The following UST variants were observed in gnomAD, a reference collection of about 807,000 sequenced individuals.
UST encodes the protein uronyl 2-sulfotransferase.
In UST, 21 loss-of-function variants were observed where a neutral mutation model predicts 45.6. That is an observed-to-expected ratio of 0.46 (90% CI 0.33 to 0.66). The LOEUF is 0.66. UST is among the 30% of genes least tolerant of loss of function. The probability of loss-of-function intolerance (pLI) is 0.02; values close to 1 mark genes in which losing one functional copy is unlikely to be tolerated. For missense variants in UST, 463 were observed against 512.4 expected, an observed-to-expected ratio of 0.90 and a Z score of 0.93; for synonymous variants, 215 against 200.6, an observed-to-expected ratio of 1.07 and a Z score of -0.61.
chr6:149,029,254 A>G (rs1776098476), intron 7 of UST, among the ~76,000 whole-genome samples: 1 of 151,160 alleles, frequency 6.6e-6, no homozygotes, highest in African/African-American at 2.4e-5. Flanking sequence ...TTTTGCAATC[A>G]AATAAGTTTA....
intron 1 of UST, among the ~76,000 whole-genome samples, chr6:148,882,429 T>G (rs781419577): frequency 7.3e-6 from 1 of 136,080 alleles, no homozygotes; most frequent in East Asian, 2.1e-4. Flanking sequence ...GAGGCTGCAG[T>G]GAGCCGAGAT....
At chr6:148,976,126 G>A (rs142779102) in intron 5 of UST, among the ~76,000 whole-genome samples, 172 of 152,178 alleles carry the variant, frequency 1.1e-3, no homozygotes, top group African/African-American at 3.9e-3. Context: ...GTAAAATTCC[G>A]GATAATCTAA....
At chr6:148,977,666 G>T (rs1781044042) in intron 5 of UST, among the ~76,000 whole-genome samples, 1 of 150,626 alleles carries the variant, frequency 6.6e-6, no homozygotes. Flanking sequence ...GCAGGAGAAT[G>T]GTGTGAACTC....
In UST at chr6:148,966,251, A is replaced by AT. The variant is rs1335137226; in HGVS notation, c.681+1688_681+1689insT. On this transcript the variant is annotated intron_variant, in intron 5 of 7. Coordinates refer to ENST00000367463, the MANE Select transcript of UST (RefSeq NM_005715.3). ...AAAATAATAATAATAATAATTAAATAAAATAAAAAACTATAGGTTATGAAT... is the reference window on the plus strand; with the variant it reads ...AAAATAATAATAATAATAATTAAATATAAATAAAAAACTATAGGTTATGAAT... Among the ~76,000 whole-genome samples, 88 of 147,524 alleles carry AT rather than the reference A, an allele frequency of 6.0e-4. 2 individuals carry two copies. Among genetic ancestry groups the AT allele is most frequent in the African/African-American group, 2.1e-3 (84 of 39,558 alleles).
At chr6:148,779,211 A>C (rs1776591257) in intron 1 of UST, among the ~76,000 whole-genome samples, 1 of 151,114 alleles carries the variant, frequency 6.6e-6, no homozygotes, top group Non-Finnish European at 1.5e-5. Context: ...TTGACTCAGC[A>C]CTTCTGTCTC....
intron 2 of UST, among the ~76,000 whole-genome samples, chr6:148,905,785 A>G (rs1368168455): frequency 6.6e-6 from 1 of 152,180 alleles, no homozygotes; most frequent in African/African-American, 2.4e-5. Flanking sequence ...CACCTCCTCT[A>G]AGAGGAAGGC....
Position 149,007,499 on chromosome 6 carries a change from A to G in UST, c.682-11640A>G, listed in dbSNP as rs369503710. On this transcript the variant is annotated intron_variant, in intron 5 of 7. Transcript: ENST00000367463. Reference sequence around the variant, plus strand: ...TTTTTTTTAGTAGAGACGGGGTTTCACCATGGTCTCGATCTCCTGACCTCA... The same window carrying G: ...TTTTTTTTAGTAGAGACGGGGTTTCGCCATGGTCTCGATCTCCTGACCTCA... 2.8e-5 allele frequency among the ~76,000 whole-genome samples: 4 copies of G among 144,454 alleles called. No homozygotes were observed. The South Asian group carries it at 6.5e-4, about 23-fold the overall frequency. The allele number at this position is 144,454 out of a possible 152,430, so 94.8% of individuals were successfully genotyped here.
chr6:148,827,223 T>C (rs554371630), intron 1 of UST, among the ~76,000 whole-genome samples: 1 of 152,316 alleles, frequency 6.6e-6, no homozygotes, highest in Non-Finnish European at 1.5e-5. Flanking sequence ...CAGAATAGAT[T>C]TGCTAATTTA....
At chr6:148,965,990 G>A (rs1025116601) in intron 5 of UST, among the ~76,000 whole-genome samples, 13 of 151,314 alleles carry the variant, frequency 8.6e-5, no homozygotes, top group African/African-American at 1.7e-4. Flanking sequence ...TTGGGAGGCC[G>A]AGGCAGGTGC....
chr6:148,836,185 C>T (rs139998622), intron 1 of UST, among the ~76,000 whole-genome samples: 1 of 152,334 alleles, frequency 6.6e-6, no homozygotes, highest in Non-Finnish European at 1.5e-5. Context: ...TTAAGCCCTG[C>T]AGCTACGTGT....
At chr6:148,834,549 A>G (rs1296952663) in intron 1 of UST, among the ~76,000 whole-genome samples, 6 of 152,186 alleles carry the variant, frequency 3.9e-5, no homozygotes, top group African/African-American at 1.2e-4. Context: ...AGCCTGAGCA[A>G]TATGACGAAA....
At chr6:148,772,021 T>C (rs570916531) in intron 1 of UST, among the ~76,000 whole-genome samples, 2 of 152,292 alleles carry the variant, frequency 1.3e-5, no homozygotes, top group South Asian at 4.1e-4. Context: ...AATGGGGACA[T>C]GTTCTTCATG....
At chr6:148,811,824 T>C (rs141308309) in intron 1 of UST, among the ~76,000 whole-genome samples, 29 of 152,192 alleles carry the variant, frequency 1.9e-4, no homozygotes, top group African/African-American at 5.5e-4. Flanking sequence ...CTTCTATTGC[T>C]AACAAACAAG....
At chr6:149,053,328 G>T (rs1326478298) in intron 7 of UST, among the ~76,000 whole-genome samples, 1 of 152,136 alleles carries the variant, frequency 6.6e-6, no homozygotes, top group Non-Finnish European at 1.5e-5. Flanking sequence ...CTGTTAAAAA[G>T]AATTATTGGC....
At chr6:148,752,304 A>G (rs1167180431) in intron 1 of UST, among the ~76,000 whole-genome samples, 3 of 152,228 alleles carry the variant, frequency 2.0e-5, no homozygotes, top group Non-Finnish European at 2.9e-5. Context: ...CATTTCACAC[A>G]TGGTATAAAT....
Position 149,014,765 on chromosome 6 carries a change from G to C in UST, c.682-4374G>C, listed in dbSNP as rs533729594. On this transcript the variant is annotated intron_variant, in intron 5 of 7. Transcript: ENST00000367463. ...AATACACAGACAGCTCATGAAGAGT[G>C]ACCATCCTCTCAGAGTCACCAGAGT... Among the ~76,000 whole-genome samples, 8 of 152,276 alleles carry C rather than the reference G, an allele frequency of 5.3e-5. No homozygotes were observed. The East Asian group carries it at 1.3e-3, about 26-fold the overall frequency.
Position 148,875,025 on chromosome 6 carries a change from G to T in UST, c.248-11961G>T, listed in dbSNP as rs191585352. On this transcript the variant is annotated intron_variant, in intron 1 of 7. Coordinates refer to ENST00000367463, the MANE Select transcript of UST (RefSeq NM_005715.3). ...GGTAACCGGAATCCTGTGGGAAATG[G>T]CTGCTTCTGAATAAAAGGGGAAGGA... Among the ~76,000 whole-genome samples the T allele has an allele frequency of 2.6e-5, 4 of 152,354 alleles. No homozygotes were observed. In the East Asian group the frequency reaches 7.7e-4, roughly 29 times the overall value.
intron 5 of UST, among the ~76,000 whole-genome samples, chr6:148,977,595 C>G (rs1186721791): frequency 6.6e-6 from 1 of 151,740 alleles, no homozygotes; most frequent in East Asian, 1.9e-4. Context: ...ACTAAAGATA[C>G]AAAAAAATTA....
intron 5 of UST, among the ~76,000 whole-genome samples, chr6:148,974,612 A>G (rs948276290): frequency 9.2e-5 from 14 of 152,228 alleles, no homozygotes; most frequent in African/African-American, 3.4e-4. Flanking sequence ...AGCCTCTAGA[A>G]CAAACCGCTT....
Sources: gnomAD v4.1 joint callset for allele counts (sites outside exome capture counted in the v4.1 genomes callset) on GRCh38, gnomAD v4.1.1 for gene constraint, MANE v1.5 for transcripts, NCBI Gene and HGNC (gene_info 2026-07-23, HGNC 2026-07-21) for gene names.